LDHC: variants seen among roughly 807,000 people sequenced by gnomAD.
The protein encoded by LDHC is lactate dehydrogenase C, also known as L-lactate dehydrogenase C chain.
A neutral mutation model predicts 30.2 loss-of-function variants in LDHC; 20 were observed. That is an observed-to-expected ratio of 0.66 (90% confidence interval 0.47 to 0.96). LDHC has a LOEUF of 0.96. Ranked by LOEUF, LDHC falls within the 40% of genes least tolerant of loss-of-function variation. The probability of loss-of-function intolerance (pLI) is 0.00; values close to 1 mark genes in which losing one functional copy is unlikely to be tolerated. For synonymous variants in LDHC, 139 were observed against 132.7 expected, an observed-to-expected ratio of 1.05 and a Z score of -0.32; for missense variants, 362 against 394.9, an observed-to-expected ratio of 0.92 and a Z score of 0.71.
chr11:18,446,205 T>C lies in LDHC; in HGVS notation c.711-5T>C, dbSNP rs369503120. ...ATTTGATTTTCTTACTTTCTACAAC[T>C]GTAGTGCCTATGAAATTATCAAGCT... On this transcript the variant is annotated splice_region_variant and splice_polypyrimidine_tract_variant and intron_variant, in intron 6 of 7. Coordinates refer to ENST00000541669, the MANE Select transcript of LDHC (RefSeq NM_017448.5). The C allele has an allele frequency of 2.6e-5, 42 of 1,597,952 alleles. No individual in the cohort carries two copies. Among genetic ancestry groups the C allele is most frequent in the Admixed American group, 3.3e-5 (2 of 59,854 alleles).
intron 6 of LDHC, among the ~76,000 whole-genome samples, chr11:18,445,479 G>A (rs1195490423): frequency 6.6e-6 from 1 of 152,068 alleles, no homozygotes; most frequent in Non-Finnish European, 1.5e-5. Context: ...TTACAGATGT[G>A]AGCCATTGCC....
At chr11:18,414,952 C>G (rs1866980228) in intron 2 of LDHC, among the ~76,000 whole-genome samples, 1 of 151,968 alleles carries the variant, frequency 6.6e-6, no homozygotes, top group Non-Finnish European at 1.5e-5. Context: ...CAAAAAACAC[C>G]CAGCTCTAAA....
intron 3 of LDHC, among the ~76,000 whole-genome samples, chr11:18,427,879 G>A (rs1214424218): frequency 6.6e-6 from 1 of 151,960 alleles, no homozygotes; most frequent in Non-Finnish European, 1.5e-5. Flanking sequence ...GTTTCACCAT[G>A]TTGGCTAGGC....
chr11:18,442,632 A>G (rs1313197579), intron 6 of LDHC, among the ~76,000 whole-genome samples: 9 of 149,414 alleles, frequency 6.0e-5, no homozygotes, highest in African/African-American at 1.7e-4. Flanking sequence ...CACGCATTCA[A>G]TCACATGTTT....
intron 5 of LDHC, among the ~76,000 whole-genome samples, chr11:18,437,751 CA>C (rs11308924): frequency 0.81 from 101,692 of 126,022 alleles, 41,196 homozygotes; most frequent in East Asian, 0.92. Context: ...GACTCCCTCT[CA>C]AAAAAAAAAA....
At chr11:18,423,568 G>A (rs1848105533) in intron 3 of LDHC, among the ~76,000 whole-genome samples, 1 of 152,068 alleles carries the variant, frequency 6.6e-6, no homozygotes, top group African/African-American at 2.4e-5. Context: ...AAAAATCAAA[G>A]CCAGGTTGGT....
intron 3 of LDHC, among the ~76,000 whole-genome samples, chr11:18,429,116 CTT>C (rs36038254): frequency 0.13 from 11,761 of 93,030 alleles, 250 homozygotes; most frequent in Middle Eastern, 0.18. Flanking sequence ...TCATTTTGGT[CTT>C]TTTTTTTTTT....
At chr11:18,421,135 C>T (rs1302123284) in intron 3 of LDHC, among the ~76,000 whole-genome samples, 1 of 152,010 alleles carries the variant, frequency 6.6e-6, no homozygotes, top group Non-Finnish European at 1.5e-5. Flanking sequence ...CTCTCTGCAC[C>T]CTCCACCTCC....
intron 3 of LDHC, among the ~76,000 whole-genome samples, chr11:18,420,746 T>C (rs535652929): frequency 1.4e-4 from 21 of 147,472 alleles, no homozygotes; most frequent in African/African-American, 5.3e-4. Flanking sequence ...CAAAAGTATA[T>C]ATATCAGGCA....
chr11:18,433,387 A>G (rs1848302254), intron 4 of LDHC, among the ~76,000 whole-genome samples: 2 of 149,744 alleles, frequency 1.3e-5, no homozygotes, highest in East Asian at 1.9e-4. Flanking sequence ...CTCCATCTCA[A>G]AAAAAGGAAA....
At chr11:18,434,449 A>C (rs1243678162) in intron 4 of LDHC, among the ~76,000 whole-genome samples, 4 of 152,050 alleles carry the variant, frequency 2.6e-5, no homozygotes, top group Admixed American at 6.6e-5. Context: ...GTAGCTGGGA[A>C]TGCAGGTGTG....
chr11:18,414,373 G>A (rs1052268131), intron 2 of LDHC, among the ~76,000 whole-genome samples: 1 of 152,122 alleles, frequency 6.6e-6, no homozygotes, highest in Admixed American at 6.6e-5. Context: ...ATATGGAATG[G>A]GTTCCCATGG....
At chr11:18,424,783 G>A (rs1848131422) in intron 3 of LDHC, among the ~76,000 whole-genome samples, 2 of 152,174 alleles carry the variant, frequency 1.3e-5, no homozygotes, top group Admixed American at 6.5e-5. Context: ...CGAGGTGGGC[G>A]GATCACTTGA....
chr11:18,431,394 G>A (rs1848262325), intron 4 of LDHC, among the ~76,000 whole-genome samples: 1 of 152,092 alleles, frequency 6.6e-6, no homozygotes, highest in Non-Finnish European at 1.5e-5. Flanking sequence ...CCTGGGAAGT[G>A]GAGGTTGTGG....
At chr11:18,448,403 C>G (rs1027218411) in intron 7 of LDHC, among the ~76,000 whole-genome samples, 29 of 152,132 alleles carry the variant, frequency 1.9e-4, no homozygotes, top group African/African-American at 6.5e-4. Flanking sequence ...TGTGCCTCAG[C>G]CTCCTAAGTA....
chr11:18,417,177 C>T (rs904273280), intron 3 of LDHC, among the ~76,000 whole-genome samples: 2 of 152,174 alleles, frequency 1.3e-5, no homozygotes, highest in African/African-American at 4.8e-5. Flanking sequence ...AGCCACCGCA[C>T]CCGGCCTGGA....
intron 6 of LDHC, among the ~76,000 whole-genome samples, chr11:18,442,272 A>G (rs1848480077): frequency 6.6e-6 from 1 of 152,156 alleles, no homozygotes; most frequent in East Asian, 1.9e-4. Context: ...TAATTTTTAT[A>G]TCTAGAAAAC....
chr11:18,451,040 G>T lies in LDHC; in HGVS notation c.912G>T (p.Val304=). 1 of 1,594,112 alleles carries T rather than the reference G, an allele frequency of 6.3e-7. No homozygotes were observed. Among genetic ancestry groups the T allele is most frequent in the Non-Finnish European group, 8.5e-7 (1 of 1,172,874 alleles). ...GGCGGAATGGTGTCTCAGATGTTGT[G>T]AAAATTAACTTGAATTCTGAGGAGG... ...VLGRNGVSDV[V]KINLNSEEEA... Residue 304 remains valine (V), a synonymous_variant, in exon 8 of 8, where the codon GTG becomes GTT. Coordinates refer to ENST00000541669, the MANE Select transcript of LDHC (RefSeq NM_017448.5).
At chr11:18,444,620 A>AGG (rs1565057822) in intron 6 of LDHC, among the ~76,000 whole-genome samples, 9 of 59,502 alleles carry the variant, frequency 1.5e-4, no homozygotes, top group African/African-American at 5.5e-4. Context: ...ATATATATAT[A>AGG]TATATATATA....
Sources: allele counts gnomAD v4.1 joint callset (sites outside exome capture counted in the v4.1 genomes callset), GRCh38; gene constraint gnomAD v4.1.1; transcripts MANE v1.5; gene names NCBI Gene and HGNC (gene_info 2026-07-23, HGNC 2026-07-21).